The following SRPRA variants were observed in gnomAD, a reference collection of about 807,000 sequenced individuals.
SRPRA encodes SRP receptor subunit alpha.
SRPRA carries 30 observed loss-of-function variants against 61.1 expected under a neutral mutation model. That is an observed-to-expected ratio of 0.49 (90% CI 0.37 to 0.67). The LOEUF is 0.67. Among genes scored for constraint, SRPRA ranks in the 30% least tolerant of loss-of-function variants. The probability of loss-of-function intolerance (pLI) is 0.00; values close to 1 mark genes in which losing one functional copy is unlikely to be tolerated. For missense variants in SRPRA, 759 were observed against 828.4 expected (o/e 0.92, Z 1.03); for synonymous variants, 324 against 299.7 (o/e 1.08, Z -0.84).
chr11:126,251,973 C>T, the SRPRA span, among the ~76,000 whole-genome samples: 7 of 151,154 alleles, frequency 4.6e-5, no homozygotes, highest in Admixed American at 2.6e-4. Flanking sequence ...TGTGCCTGGC[C>T]GTTTTGTTTT....
At chr11:126,241,439 T>G in the SRPRA span, among the ~76,000 whole-genome samples, 1 of 152,228 alleles carries the variant, frequency 6.6e-6, no homozygotes. Context: ...CAGTTTTTAG[T>G]GTTCTTTTTA....
the SRPRA span, chr11:126,256,778 A>G: frequency 9.3e-6 from 15 of 1,611,468 alleles, no homozygotes; most frequent in Non-Finnish European, 1.3e-5. The surrounding 1 kb of genome is among the most constrained non-coding windows in gnomAD (Gnocchi z 6.6). Flanking sequence ...GTCATCTCCT[A>G]TGGAGATGAC....
At chr11:126,236,453 C>A in the SRPRA span, among the ~76,000 whole-genome samples, 1 of 152,076 alleles carries the variant, frequency 6.6e-6, no homozygotes, top group Non-Finnish European at 1.5e-5. Flanking sequence ...TGACCTCTTT[C>A]CCTGTTTTTT....
In SRPRA at chr11:126,268,101, T is replaced by G; in HGVS notation, c.118-15A>C. 1 of 1,612,730 alleles carries G rather than the reference T, an allele frequency of 6.2e-7. No homozygotes were observed. Among genetic ancestry groups the G allele is most frequent in the Middle Eastern group, 1.6e-4 (1 of 6,062 alleles). On this transcript the variant is annotated splice_polypyrimidine_tract_variant and intron_variant, in intron 1 of 13. Coordinates refer to ENST00000332118, the MANE Select transcript of SRPRA (RefSeq NM_003139.4). ...CCTCCCCGTTCCTGGAGAAAGAGTA[T>G]GTCTCAGTGTTCAGACTATCCCCAG...
the SRPRA span, chr11:126,254,582 C>T: frequency 9.0e-7 from 1 of 1,107,782 alleles, no homozygotes; most frequent in Middle Eastern, 2.1e-4. Context: ...CCTATAATCC[C>T]AACACTTTGG....
chr11:126,251,540 T>A, the SRPRA span, among the ~76,000 whole-genome samples: 1 of 152,186 alleles, frequency 6.6e-6, no homozygotes, highest in African/African-American at 2.4e-5. Context: ...AAGACTAGTT[T>A]TCTCTGGTCC....
the SRPRA span, among the ~76,000 whole-genome samples, chr11:126,238,082 C>T: frequency 1.3e-5 from 2 of 152,080 alleles, no homozygotes; most frequent in African/African-American, 2.4e-5. Flanking sequence ...ATGGAAGAGG[C>T]CGGGTGCGGT....
the SRPRA span, chr11:126,256,895 C>T: frequency 6.5e-7 from 1 of 1,550,368 alleles, no homozygotes; most frequent in Non-Finnish European, 8.8e-7. This position sits in a 1 kb window ranked among gnomAD's most constrained non-coding sequence, Gnocchi z 6.6. Context: ...AGAACAACAG[C>T]TCTTCAGCCT....
chr11:126,268,853 G>A lies in SRPRA; in HGVS notation c.-49C>T, dbSNP rs368502926. On this transcript the variant is annotated 5_prime_UTR_variant, in exon 1 of 14. The change creates a new upstream start codon in the 5' untranslated region. Transcript: ENST00000332118. ...GGCCGGCGCCGGGAATTCAGGCCGCGTTCGCCGCCGCTTCCTGCTGCGCCA... is the reference window on the plus strand; with the variant it reads ...GGCCGGCGCCGGGAATTCAGGCCGCATTCGCCGCCGCTTCCTGCTGCGCCA... 4.9e-4 allele frequency: 718 copies of A among 1,472,378 alleles called. No homozygotes were observed. The highest frequency in any genetic ancestry group is 6.1e-4 in the Admixed American group (36 of 59,114). 91.2% of individuals were successfully genotyped at this position (1,472,378 alleles called of 1,614,324 possible). A position where few individuals can be genotyped will look rare whatever the true frequency, so the allele number is the denominator to read the frequency against.
At position 126,265,938 on chromosome 11, in the gene SRPRA, A is replaced by G; in HGVS notation, c.1051+25T>C. On this transcript the variant is annotated intron_variant, in intron 8 of 13. Transcript: ENST00000332118. The surrounding 1 kb of genome is among the most constrained non-coding windows in gnomAD (Gnocchi z 6.3). ...CAACTACCCCTATCCCGCGAGTATG[A>G]GTCAGCCCGGTCCTCAGAACTTACC... The G allele has an allele frequency of 1.2e-6, 2 of 1,612,412 alleles. No individual in the cohort carries two copies. The highest frequency in any genetic ancestry group is 1.7e-6 in the Non-Finnish European group (2 of 1,178,444).
At chr11:126,255,071 T>A in the SRPRA span, among the ~76,000 whole-genome samples, 2 of 152,216 alleles carry the variant, frequency 1.3e-5, no homozygotes, top group African/African-American at 4.8e-5. The surrounding 1 kb of genome is among the most constrained non-coding windows in gnomAD (Gnocchi z 4.6). Flanking sequence ...CAGAAATAAT[T>A]GAGGCAGCTT....
the SRPRA span, chr11:126,254,301 G>A: frequency 4.3e-5 from 69 of 1,613,602 alleles, no homozygotes; most frequent in Non-Finnish European, 5.8e-5. Flanking sequence ...TGTGTGTTGT[G>A]CAGGTCCTCG....
intron 1 of SRPRA, 83 bp downstream of exon 1, chr11:126,268,605 G>A (rs1950874428): frequency 3.4e-6 from 4 of 1,164,578 alleles, no homozygotes; most frequent in Middle Eastern, 2.0e-4. Flanking sequence ...GAGGGTGGGA[G>A]GAGGCGCGGA....
chr11:126,254,312 A>G, the SRPRA span: 2 of 1,613,962 alleles, frequency 1.2e-6, no homozygotes, highest in South Asian at 2.2e-5. Flanking sequence ...CAGGTCCTCG[A>G]GTGGGCTCAG....
At chr11:126,254,480 A>G in the SRPRA span, 20 of 1,606,902 alleles carry the variant, frequency 1.2e-5, no homozygotes, top group Non-Finnish European at 1.6e-5. Flanking sequence ...TTCCTGGGAA[A>G]TCTCTCTAAA....
the SRPRA span, chr11:126,254,262 C>G: frequency 6.3e-7 from 1 of 1,598,646 alleles, no homozygotes; most frequent in Admixed American, 1.7e-5. Context: ...TAAACAGGTG[C>G]TCAGCCCTGC....
chr11:126,265,434 G>T lies in SRPRA; in HGVS notation c.1145C>A (p.Thr382Asn), dbSNP rs1296906799. The T allele has an allele frequency of 6.2e-7, 1 of 1,611,044 alleles. No homozygotes were observed. The highest frequency in any genetic ancestry group is 8.5e-7 in the Non-Finnish European group (1 of 1,178,472). The change falls in exon 10 of 14, where the codon ACT becomes AAT. Residue 382 changes from threonine to asparagine, a missense_variant. By Grantham distance (65) the Thr-to-Asn change is moderately conservative. Coordinates refer to ENST00000332118, the MANE Select transcript of SRPRA (RefSeq NM_003139.4). This position sits in a 1 kb window ranked among gnomAD's most constrained non-coding sequence, Gnocchi z 6.3. ...GKVMGTFSTV[T>N]STVKQALQES... is the part of the protein sequence containing the mutation. ...CTGTAGGGCTTGCTTTACTGTGGAA[G>T]TCACCGCTGAAAGGGGAGGTGGAGG... is the stretch of plus-strand genomic sequence containing the variant.
downstream of SRPRA, chr11:126,261,001 A>ATT: frequency 6.2e-6 from 1 of 160,558 alleles, no homozygotes; most frequent in Non-Finnish European, 1.4e-5. Context: ...GTGCTACCGT[A>ATT]TTTTATTTTG....
chr11:126,257,310 C>T, the SRPRA span, among the ~76,000 whole-genome samples: 1 of 152,048 alleles, frequency 6.6e-6, no homozygotes, highest in East Asian at 1.9e-4. Flanking sequence ...ACAATTTATC[C>T]TAGAAGTTTC....
Sources: allele counts gnomAD v4.1 joint callset (sites outside exome capture counted in the v4.1 genomes callset), GRCh38; gene constraint gnomAD v4.1.1; non-coding constraint Gnocchi (gnomAD v3.1); transcripts MANE v1.5; gene names NCBI Gene and HGNC (gene_info 2026-07-23, HGNC 2026-07-21).